RNLS: variants seen among roughly 807,000 people sequenced by gnomAD.
The protein encoded by RNLS is renalase.
Under a neutral mutation model 39.8 loss-of-function variants are expected in RNLS, and 39 were observed. The ratio of observed to expected loss-of-function variants is 0.98; its 90% CI spans 0.76 to 1.28. RNLS has a LOEUF of 1.28. RNLS is among the 50% of genes most tolerant of loss of function. The pLI is 0.00. For synonymous variants in RNLS, 147 were observed against 150.7 expected, an observed-to-expected ratio of 0.98 and a Z score of 0.18; for missense variants, 410 against 413.3, an observed-to-expected ratio of 0.99 and a Z score of 0.07.
chr10:88,288,576 G>A (rs760125675), intron 6 of RNLS, among the ~76,000 whole-genome samples: 2 of 152,106 alleles, frequency 1.3e-5, no homozygotes, highest in Admixed American at 6.5e-5. Context: ...TGACATCCCT[G>A]TATAGATAAA....
chr10:88,336,368 C>T (rs1036325366), intron 5 of RNLS, among the ~76,000 whole-genome samples: 9 of 152,180 alleles, frequency 5.9e-5, no homozygotes, highest in Non-Finnish European at 1.5e-5. Flanking sequence ...TGTTTGTAAT[C>T]GTTGTTATTC....
intron 6 of RNLS, among the ~76,000 whole-genome samples, chr10:88,314,218 T>C (rs1359741530): frequency 6.6e-6 from 1 of 152,170 alleles, no homozygotes; most frequent in Non-Finnish European, 1.5e-5. Flanking sequence ...ATATCAAGGT[T>C]TGTAAGTCTT....
At chr10:88,194,779 AC>A in the RNLS span, among the ~76,000 whole-genome samples, 2 of 152,204 alleles carry the variant, frequency 1.3e-5, no homozygotes, top group Non-Finnish European at 2.9e-5. Flanking sequence ...GAGTATGAGA[AC>A]CACTGTATTC....
At chr10:88,360,089 ACT>A (rs1849519829) in intron 5 of RNLS, among the ~76,000 whole-genome samples, 1 of 152,180 alleles carries the variant, frequency 6.6e-6, no homozygotes, top group South Asian at 2.1e-4. Flanking sequence ...AATGTACATG[ACT>A]CTTTTTATGT....
At chr10:88,351,700 T>C (rs1848722789) in intron 5 of RNLS, among the ~76,000 whole-genome samples, 1 of 152,038 alleles carries the variant, frequency 6.6e-6, no homozygotes. Context: ...CTTTTTTGGT[T>C]CCATATGAAC....
At chr10:88,303,148 CAGG>C (rs1358159878) in intron 6 of RNLS, among the ~76,000 whole-genome samples, 1 of 152,212 alleles carries the variant, frequency 6.6e-6, no homozygotes, top group Non-Finnish European at 1.5e-5. Context: ...GGAACTCTGG[CAGG>C]AGAAGATTCC....
chr10:88,399,930 G>A (rs1852809037), intron 4 of RNLS, among the ~76,000 whole-genome samples: 1 of 152,012 alleles, frequency 6.6e-6, no homozygotes, highest in Non-Finnish European at 1.5e-5. Context: ...TAAGGGAGAA[G>A]TTGTTCCTTG....
At chr10:88,515,103 T>C (rs1344322821) in intron 4 of RNLS, among the ~76,000 whole-genome samples, 2 of 152,058 alleles carry the variant, frequency 1.3e-5, no homozygotes, top group Non-Finnish European at 2.9e-5. Flanking sequence ...ATTTTTCTAC[T>C]ATCTTACTGG....
At chr10:88,483,379 T>C (rs1216574608) in intron 4 of RNLS, among the ~76,000 whole-genome samples, 3 of 152,034 alleles carry the variant, frequency 2.0e-5, no homozygotes, top group Admixed American at 6.6e-5. Context: ...TTCCAGGCCT[T>C]AGCACACAGT....
chr10:88,341,925 A>G (rs1326433586), intron 5 of RNLS, among the ~76,000 whole-genome samples: 2 of 152,170 alleles, frequency 1.3e-5, no homozygotes, highest in African/African-American at 4.8e-5. Context: ...TATTCTCTCA[A>G]AAAGATAGTT....
At chr10:88,495,519 G>A (rs1476757136) in intron 4 of RNLS, among the ~76,000 whole-genome samples, 3 of 152,076 alleles carry the variant, frequency 2.0e-5, no homozygotes, top group Non-Finnish European at 2.9e-5. Context: ...TCTCATTACC[G>A]CACAAGGATT....
chr10:88,573,115 AG>A, intron 3 of RNLS, 54 bp from the exon 4 acceptor site: 1 of 1,546,642 alleles, frequency 6.5e-7, no homozygotes, highest in Non-Finnish European at 8.8e-7. Flanking sequence ...ATATGAATAA[AG>A]GGGATGTGAG....
chr10:88,535,020 A>C (rs533218298), intron 4 of RNLS, among the ~76,000 whole-genome samples: 22 of 152,272 alleles, frequency 1.4e-4, no homozygotes, highest in African/African-American at 4.8e-4. Flanking sequence ...CCTGAGTGTC[A>C]GTTATATTGT....
intron 4 of RNLS, among the ~76,000 whole-genome samples, chr10:88,530,846 G>A (rs1468790350): frequency 6.6e-6 from 1 of 151,936 alleles, no homozygotes; most frequent in Non-Finnish European, 1.5e-5. Context: ...AAAAGCTTTC[G>A]CCTAATAAAT....
At chr10:88,450,933 G>A (rs1385062255) in intron 4 of RNLS, among the ~76,000 whole-genome samples, 2 of 152,148 alleles carry the variant, frequency 1.3e-5, no homozygotes, top group African/African-American at 2.4e-5. Flanking sequence ...AGCAGAATTA[G>A]ATGGGGCTGT....
chr10:88,570,718 G>A (rs925297487), intron 4 of RNLS, among the ~76,000 whole-genome samples: 1 of 152,068 alleles, frequency 6.6e-6, no homozygotes, highest in Non-Finnish European at 1.5e-5. Context: ...ATACTGATGG[G>A]GCACATCTTT....
At chr10:88,496,818 T>A (rs955870755) in intron 4 of RNLS, among the ~76,000 whole-genome samples, 1 of 152,098 alleles carries the variant, frequency 6.6e-6, no homozygotes, top group African/African-American at 2.4e-5. Flanking sequence ...GGTTTCAAGT[T>A]TGAGAACTAT....
chr10:88,439,119 A>C lies in RNLS; in HGVS notation c.527-76394T>G, dbSNP rs190932334. 2.6e-5 allele frequency among the ~76,000 whole-genome samples: 4 copies of C among 152,218 alleles called. No homozygotes were observed. In the East Asian group the frequency reaches 7.7e-4, roughly 29 times the overall value. ...TCGTTTTGTTTATTTCCCCTTTCTC[A>C]TATATCAAAACCCATTTTAACCTTA... is the stretch of plus-strand genomic sequence containing the variant. On this transcript the variant is annotated intron_variant, in intron 4 of 6. Coordinates refer to ENST00000331772, the MANE Select transcript of RNLS (RefSeq NM_001031709.3).
chr10:88,555,061 G>T (rs891565389), intron 4 of RNLS, among the ~76,000 whole-genome samples: 19 of 152,062 alleles, frequency 1.2e-4, no homozygotes, highest in African/African-American at 4.6e-4. Context: ...GTAAGGCATA[G>T]ATATATATAT....
Sources: gnomAD v4.1 joint callset for allele counts (sites outside exome capture counted in the v4.1 genomes callset) on GRCh38, gnomAD v4.1.1 for gene constraint, MANE v1.5 for transcripts, NCBI Gene and HGNC (gene_info 2026-07-23, HGNC 2026-07-21) for gene names.